The following GC variants were observed in gnomAD, a reference collection of about 807,000 sequenced individuals.
GC encodes vitamin D-binding protein.
GC carries 43 observed loss-of-function variants against 56.7 expected under a neutral mutation model. That is an observed-to-expected ratio of 0.76 (90% CI 0.59 to 0.98). The LOEUF (loss-of-function observed/expected upper bound fraction) is 0.98, where lower values mean the gene tolerates loss of function less well. Ranked by LOEUF, GC falls within the 50% of genes least tolerant of loss-of-function variation. The pLI, the probability that GC is intolerant of heterozygous loss-of-function variation, is 0.00. For synonymous variants in GC, 216 were observed against 202.7 expected, an observed-to-expected ratio of 1.07 and a Z score of -0.56; for missense variants, 529 against 545.9, an observed-to-expected ratio of 0.97 and a Z score of 0.31.
chr4:71,779,174 A>T (rs1742598641), intron 1 of GC, among the ~76,000 whole-genome samples: 1 of 151,868 alleles, frequency 6.6e-6, no homozygotes, highest in Non-Finnish European at 1.5e-5. Context: ...AATGCCAAGT[A>T]ATGTTCTATT....
intron 11 of GC, among the ~76,000 whole-genome samples, chr4:71,747,418 G>A (rs1741410361): frequency 6.6e-6 from 1 of 151,834 alleles, no homozygotes; most frequent in African/African-American, 2.4e-5. Context: ...TAAAGGAAGA[G>A]GACAATATGA....
intron 6 of GC, among the ~76,000 whole-genome samples, chr4:71,759,924 T>G (rs1741907063): frequency 6.6e-6 from 1 of 152,186 alleles, no homozygotes; most frequent in South Asian, 2.1e-4. Flanking sequence ...AGAAATTCCC[T>G]CTGTTCTGCC....
chr4:71,769,777 C>A (rs1316836472), intron 1 of GC, among the ~76,000 whole-genome samples: 1 of 152,180 alleles, frequency 6.6e-6, no homozygotes, highest in Non-Finnish European at 1.5e-5. Context: ...CACCCTGCTT[C>A]CTCCCTTCCT....
At chr4:71,791,763 C>A (rs1337243588) in intron 1 of GC, among the ~76,000 whole-genome samples, 1 of 151,872 alleles carries the variant, frequency 6.6e-6, no homozygotes, top group East Asian at 1.9e-4. Context: ...GTTTGCTGCA[C>A]CCATCAACTT....
chr4:71,783,578 A>G (rs1441178757), intron 1 of GC, among the ~76,000 whole-genome samples: 1 of 151,842 alleles, frequency 6.6e-6, no homozygotes, highest in Non-Finnish European at 1.5e-5. Flanking sequence ...CTCAATGGTA[A>G]TAAATATTTG....
chr4:71,742,918 G>A (rs933161071), intron 12 of GC, among the ~76,000 whole-genome samples: 4 of 152,204 alleles, frequency 2.6e-5, no homozygotes, highest in Non-Finnish European at 5.9e-5. Context: ...AGCTTGCGGT[G>A]AGCCCAGATT....
In GC at chr4:71,801,890, C is replaced by CTT. The variant is rs58049882; in HGVS notation, c.21+2034_21+2035dup. Among the ~76,000 whole-genome samples the CTT allele has an allele frequency of 0.013, 1,731 of 138,292 alleles. 70 individuals carry two copies. The East Asian group carries it at 0.17, about 13-fold the overall frequency. The allele number at this position is 138,292 out of a possible 152,430, so 90.7% of individuals were successfully genotyped here. On this transcript the variant is annotated intron_variant, in intron 1 of 13. Transcript: ENST00000504199. ...TTCCTATTTTTCCTGTTTCTTTCTT[C>CTT]TTTTTTTTTTTTTTATTGCCTGCCC... is the stretch of plus-strand genomic sequence containing the variant.
intron 1 of GC, among the ~76,000 whole-genome samples, chr4:71,796,568 C>T (rs915567717): frequency 2.6e-5 from 4 of 152,106 alleles, no homozygotes; most frequent in Non-Finnish European, 4.4e-5. Flanking sequence ...TTCATCTAAC[C>T]TTTTTTCAAG....
In GC at chr4:71,794,572, G is replaced by T. The variant is rs138540386; in HGVS notation, c.21+9354C>A. Reference sequence around the variant, plus strand: ...TTTCTTCTTTATTAGTCTAGCTAGTGGTCTATCAATTTTGTTGATTTTTTT... The same window carrying T: ...TTTCTTCTTTATTAGTCTAGCTAGTTGTCTATCAATTTTGTTGATTTTTTT... On this transcript the variant is annotated intron_variant, in intron 1 of 13. Transcript: ENST00000504199. Among the ~76,000 whole-genome samples the T allele has an allele frequency of 3.7e-3, 568 of 151,952 alleles. 5 individuals are homozygous for T. Among genetic ancestry groups the T allele is most frequent in the Middle Eastern group, 0.017 (5 of 292 alleles).
At chr4:71,758,261 A>C in intron 6 of GC, 90 bp from the exon 7 acceptor site, 113 of 1,159,740 alleles carry the variant, frequency 9.7e-5, no homozygotes, top group Middle Eastern at 2.5e-4. Context: ...AAATAATATC[A>C]CAATTTCACC....
intron 1 of GC, among the ~76,000 whole-genome samples, chr4:71,792,235 C>T (rs144627635): frequency 0.11 from 17,319 of 152,190 alleles, 1,055 homozygotes; most frequent in African/African-American, 0.13. Flanking sequence ...CTTGAGGAAT[C>T]GTCACACTGT....
At chr4:71,749,901 G>A (rs372912551) in intron 11 of GC, among the ~76,000 whole-genome samples, 268 of 152,188 alleles carry the variant, frequency 1.8e-3, no homozygotes, top group African/African-American at 6.1e-3. Flanking sequence ...TTAGCAAATA[G>A]GTTTGGGACC....
chr4:71,784,448 G>A (rs777912595), upstream of GC: 9 of 267,708 alleles, frequency 3.4e-5, no homozygotes, highest in Non-Finnish European at 4.6e-5. Flanking sequence ...GTGGAAAATC[G>A]GAAACTCTGT....
intron 3 of GC, 37 bp downstream of exon 3, chr4:71,768,264 T>A: frequency 6.5e-7 from 1 of 1,534,934 alleles, no homozygotes; most frequent in Non-Finnish European, 8.8e-7. Context: ...CTTCCTTCTC[T>A]GGGCTGCCAC....
intron 1 of GC, among the ~76,000 whole-genome samples, chr4:71,778,580 A>G (rs78044121): frequency 0.091 from 13,782 of 151,944 alleles, 716 homozygotes; most frequent in Non-Finnish European, 0.1. Flanking sequence ...TTTCCAGAGA[A>G]GCTAGAAATC....
chr4:71,773,872 C>T lies in GC; in HGVS notation c.59-4472G>A, dbSNP rs115799399. Among the ~76,000 whole-genome samples the T allele has an allele frequency of 6.6e-3, 1,006 of 152,134 alleles. 16 individuals carry two copies. Among genetic ancestry groups the T allele is most frequent in the African/African-American group, 0.023 (965 of 41,522 alleles). The stretch of plus-strand genomic sequence containing the variant: ...TATTTCTATTCTGTACTGACAGACT[C>T]ATCCATGTCAGAAAAGCTCAGTATA... On this transcript the variant is annotated intron_variant, in intron 1 of 12. Coordinates refer to ENST00000273951, the MANE Select transcript of GC (RefSeq NM_000583.4).
At chr4:71,774,750 G>A (rs1311739076) in intron 1 of GC, among the ~76,000 whole-genome samples, 2 of 151,920 alleles carry the variant, frequency 1.3e-5, no homozygotes, top group East Asian at 3.9e-4. Flanking sequence ...GGTTATCACA[G>A]TTTACATCCC....
At position 71,763,780 on chromosome 4, in the gene GC, T is replaced by C. The variant is rs775528201; in HGVS notation, c.606+24A>G. The C allele has an allele frequency of 1.6e-5, 25 of 1,585,212 alleles. No individual in the cohort carries two copies. The South Asian group carries it at 2.8e-4, about 17-fold the overall frequency. On this transcript the variant is annotated intron_variant, in intron 5 of 12. Transcript: ENST00000273951. Reference sequence around the variant, plus strand: ...CTATTAGAAGAAAAAAACGTAAACATATAATAAGTAAAATGGGACATACCT... The same window carrying C: ...CTATTAGAAGAAAAAAACGTAAACACATAATAAGTAAAATGGGACATACCT...
At chr4:71,749,580 T>C (rs1741481494) in intron 11 of GC, among the ~76,000 whole-genome samples, 1 of 152,222 alleles carries the variant, frequency 6.6e-6, no homozygotes, top group African/African-American at 2.4e-5. Flanking sequence ...ACAACTTCTA[T>C]GTAAGGTGAT....
Sources: gnomAD v4.1 joint callset for allele counts (sites outside exome capture counted in the v4.1 genomes callset) on GRCh38, gnomAD v4.1.1 for gene constraint, MANE v1.5 for transcripts, NCBI Gene and HGNC (gene_info 2026-07-23, HGNC 2026-07-21) for gene names.